Variants in LHX9 observed in about 807,000 individuals in gnomAD.
LHX9 encodes LIM/homeobox protein Lhx9.
Under a neutral mutation model 36.5 loss-of-function variants are expected in LHX9, and 9 were observed. The ratio of observed to expected loss-of-function variants is 0.25; its 90% CI spans 0.15 to 0.43. LHX9 has a LOEUF of 0.43. Ranked by LOEUF, LHX9 falls within the 20% of genes least tolerant of loss-of-function variation. LHX9 has a pLI of 1.00. For missense variants in LHX9, 464 were observed against 526.4 expected, an observed-to-expected ratio of 0.88 and a Z score of 1.16; for synonymous variants, 211 against 212.1, an observed-to-expected ratio of 0.99 and a Z score of 0.04.
intron 2 of LHX9, among the ~76,000 whole-genome samples, chr1:197,920,679 T>C (rs1485371013): frequency 6.6e-6 from 1 of 152,188 alleles, no homozygotes; most frequent in Non-Finnish European, 1.5e-5. Flanking sequence ...GGGTTCCTTT[T>C]ATCGCTAGTT....
In LHX9 at chr1:197,934,656, T is replaced by C. The variant is rs984264528; in HGVS notation, c.*5397T>C. The C allele has an allele frequency of 7.9e-5, 12 of 152,134 alleles. No homozygotes were observed. The highest frequency in any genetic ancestry group is 2.9e-4 in the African/African-American group (12 of 41,456). 9.4% of individuals were successfully genotyped at this position (152,134 alleles called of 1,614,324 possible). On this transcript the variant is annotated 3_prime_UTR_variant, in exon 5 of 5. Transcript: ENST00000367387. ...TGAAAGCATATATATAGATAAACTC[T>C]GGATTGGTCTTTTAGATCTGTTTTC...
At chr1:197,913,950 T>TC (rs1277881186), upstream of LHX9, among the ~76,000 whole-genome samples, 2 of 152,074 alleles carry the variant, frequency 1.3e-5, no homozygotes, top group Non-Finnish European at 1.5e-5. Context: ...TTCCCTTTCC[T>TC]CCCCCCTAGG....
At position 197,918,806 on chromosome 1, in the gene LHX9, G is replaced by GC. The variant is rs369062078; in HGVS notation, c.174+809_174+810insC. ...TTTCCAGATTACTAACGGGGGGGGGGGGGGACTACAGAAGTCTCCGGAAAT... is the reference window on the plus strand; with the variant it reads ...TTTCCAGATTACTAACGGGGGGGGGGCGGGGACTACAGAAGTCTCCGGAAAT... On this transcript the variant is annotated intron_variant, in intron 1 of 4. Coordinates refer to ENST00000367387, the MANE Select transcript of LHX9 (RefSeq NM_020204.3). 15 of 91,540 alleles carry GC rather than the reference G, an allele frequency of 1.6e-4. 4 individuals are homozygous for GC. Among genetic ancestry groups the GC allele is most frequent in the African/African-American group, 2.2e-4 (6 of 27,672 alleles). 5.7% of individuals were successfully genotyped at this position (91,540 alleles called of 1,614,324 possible).
At position 197,933,041 on chromosome 1, in the gene LHX9, GGAAA is replaced by G. The variant is rs1660366425; in HGVS notation, c.*3785_*3788del. 6.6e-6 allele frequency: 1 copy of G among 151,706 alleles called. No individual in the cohort carries two copies. The highest frequency in any genetic ancestry group is 2.1e-4 in the South Asian group (1 of 4,794). 9.4% of individuals were successfully genotyped at this position (151,706 alleles called of 1,614,324 possible). On this transcript the variant is annotated 3_prime_UTR_variant, in exon 5 of 5. Transcript: ENST00000367387. The stretch of plus-strand genomic sequence containing the variant: ...GATTATTACAAACAAAAAAGCAAAT[GGAAA>G]GACAGACAAATATTTAGGAATGAGG...
Position 197,921,685 on chromosome 1 carries a change from C to G in LHX9, c.733+26C>G, listed in dbSNP as rs757498826. The G allele has an allele frequency of 2.6e-6, 4 of 1,519,130 alleles. No homozygotes were observed. Among genetic ancestry groups the G allele is most frequent in the Non-Finnish European group, 3.5e-6 (4 of 1,133,620 alleles). The allele number at this position is 1,519,130 out of a possible 1,614,324, so 94.1% of individuals were successfully genotyped here. A position where few individuals can be genotyped will look rare whatever the true frequency, so the allele number is the denominator to read the frequency against. On this transcript the variant is annotated intron_variant, in intron 3 of 4. Coordinates refer to ENST00000367387, the MANE Select transcript of LHX9 (RefSeq NM_020204.3). This position sits in a 1 kb window ranked among gnomAD's most constrained non-coding sequence, Gnocchi z 4.6. ...GTGTGCCTCCTATCCTCACCCCCGG[C>G]GCAGCCCCGGCCTCCCTGAGGAAAA...
At position 197,929,209 on chromosome 1, in the gene LHX9, A is replaced by G. The variant is rs1370128724; in HGVS notation, c.1144A>G (p.Ser382Gly). 2.6e-6 allele frequency: 4 copies of G among 1,552,336 alleles called. No individual in the cohort carries two copies. Among genetic ancestry groups the G allele is most frequent in the Non-Finnish European group, 3.5e-6 (4 of 1,147,730 alleles). Residue 382 changes from serine (S) to glycine (G), a missense_variant, in exon 5 of 5, where the codon AGC becomes GGC. This residue lies in a region of LHX9 where 102 missense variants were observed against 97.0 expected (regional missense o/e 1.05). Coordinates refer to ENST00000367387, the MANE Select transcript of LHX9 (RefSeq NM_020204.3). ...GACATCCGTGACCTCTAACATGGACAGCCACGAATCCGGAAGCCCCTCACA... is the reference window on the plus strand; with the variant it reads ...GACATCCGTGACCTCTAACATGGACGGCCACGAATCCGGAAGCCCCTCACA... ...VVTSVTSNMD[S>G]HESGSPSQTT...
Position 197,921,536 on chromosome 1 carries a change from C to G in LHX9, c.610C>G (p.Leu204Val). The part of the protein sequence containing the change: ...EYPPQLSYTE[L>V]AAKSGGLALP... ...TCCACCGCAGCTGAGCTACACGGAG[C>G]TGGCGGCCAAGAGCGGCGGCCTGGC... Residue 204 changes from leucine (L) to valine (V), a missense_variant, in exon 3 of 5, where the codon CTG becomes GTG. Leu to Val is a conservative substitution (Grantham distance 32, BLOSUM62 1). Coordinates refer to ENST00000367387, the MANE Select transcript of LHX9 (RefSeq NM_020204.3). This position sits in a 1 kb window ranked among gnomAD's most constrained non-coding sequence, Gnocchi z 4.6. 2 of 1,614,058 alleles carry G rather than the reference C, an allele frequency of 1.2e-6. No individual in the cohort carries two copies. Among genetic ancestry groups the G allele is most frequent in the Non-Finnish European group, 1.7e-6 (2 of 1,180,048 alleles).
chr1:197,916,800 G>A (rs1260993708), upstream of LHX9: 2 of 702,796 alleles, frequency 2.8e-6, no homozygotes, highest in African/African-American at 1.7e-5. Flanking sequence ...AAAGTGGATT[G>A]AGGAAGATGG....
chr1:197,912,868 A>C (rs1571771520), upstream of LHX9: 1 of 425,082 alleles, frequency 2.4e-6, no homozygotes, highest in Non-Finnish European at 4.2e-6. Context: ...CAGTGGCTCC[A>C]GGGACGCGCT....
rs1660274310 is a variant in LHX9, at chr1:197,929,783, T to A, written c.*524T>A. The A allele has an allele frequency of 2.1e-6, 2 of 942,748 alleles. No homozygotes were observed. Among genetic ancestry groups the A allele is most frequent in the Non-Finnish European group, 2.5e-6 (2 of 790,900 alleles). The allele number at this position is 942,748 out of a possible 1,614,324, so 58.4% of individuals were successfully genotyped here. ...ACTTGTTTTTAGTATTTCTATTTCT[T>A]ACCTGAACTGTTAATTCAAGTGAGG... On this transcript the variant is annotated 3_prime_UTR_variant, in exon 5 of 5. Coordinates refer to ENST00000367387, the MANE Select transcript of LHX9 (RefSeq NM_020204.3).
chr1:197,919,576 T>A (rs1659899905), intron 1 of LHX9, among the ~76,000 whole-genome samples: 1 of 152,252 alleles, frequency 6.6e-6, no homozygotes, highest in Admixed American at 6.5e-5. Context: ...TCGTTGAAAT[T>A]TCCTTTTCAC....
In LHX9 at chr1:197,934,042, T is replaced by G. The variant is rs1418882871; in HGVS notation, c.*4783T>G. Reference sequence around the variant, plus strand: ...ACTGAGAGTTAGTGTCTGTGTGCTTTGGTTGAATAGCCACCTTAATACTGA... The same window carrying G: ...ACTGAGAGTTAGTGTCTGTGTGCTTGGGTTGAATAGCCACCTTAATACTGA... On this transcript the variant is annotated 3_prime_UTR_variant, in exon 5 of 5. Coordinates refer to ENST00000367387, the MANE Select transcript of LHX9 (RefSeq NM_020204.3). 1 of 152,198 alleles carries G rather than the reference T, an allele frequency of 6.6e-6. No individual in the cohort carries two copies. The highest frequency in any genetic ancestry group is 1.5e-5 in the Non-Finnish European group (1 of 68,022). The allele number at this position is 152,198 out of a possible 1,614,324, so 9.4% of individuals were successfully genotyped here. A position where few individuals can be genotyped will look rare whatever the true frequency, so the allele number is the denominator to read the frequency against.
upstream of LHX9, chr1:197,912,873 C>T (rs182747696): frequency 1.6e-3 from 660 of 421,516 alleles, 8 homozygotes; most frequent in Admixed American, 0.024. Context: ...GCTCCAGGGA[C>T]GCGCTCCTGA....
intron 2 of LHX9, among the ~76,000 whole-genome samples, chr1:197,920,466 T>C (rs571658272): frequency 9.8e-5 from 15 of 152,294 alleles, no homozygotes; most frequent in Admixed American, 7.2e-4. Flanking sequence ...GAAGAGTAAA[T>C]GGACGTGGTC....
upstream of LHX9, among the ~76,000 whole-genome samples, chr1:197,915,150 A>G (rs1299616742): frequency 6.6e-6 from 1 of 152,266 alleles, no homozygotes; most frequent in East Asian, 1.9e-4. Context: ...AACAAGAACC[A>G]AACCTAATTT....
intron 3 of LHX9, among the ~76,000 whole-genome samples, chr1:197,922,232 G>T (rs1191452575): frequency 6.6e-6 from 1 of 152,118 alleles, no homozygotes; most frequent in African/African-American, 2.4e-5. Context: ...GAGCTAGCCT[G>T]TGTCTTTCCT....
At chr1:197,923,543 A>C (rs931777944) in intron 3 of LHX9, among the ~76,000 whole-genome samples, 18 of 151,606 alleles carry the variant, frequency 1.2e-4, no homozygotes, top group Non-Finnish European at 2.2e-4. Context: ...CTCATACATA[A>C]ACTAGTGAGT....
Position 197,934,184 on chromosome 1 carries a change from C to A in LHX9, c.*4925C>A, listed in dbSNP as rs12077520. 3 of 152,126 alleles carry A rather than the reference C, an allele frequency of 2.0e-5. No homozygotes were observed. Among genetic ancestry groups the A allele is most frequent in the African/African-American group, 7.2e-5 (3 of 41,438 alleles). 9.4% of individuals were successfully genotyped at this position (152,126 alleles called of 1,614,324 possible). On this transcript the variant is annotated 3_prime_UTR_variant, in exon 5 of 5. Transcript: ENST00000367387. ...TTTTCATCACCTAAAACATAAATAG[C>A]TTTATTTAGCAAAATCCCAGTGGAA...
chr1:197,934,128 C>T lies in LHX9; in HGVS notation c.*4869C>T, dbSNP rs1048944401. ...AGGATAAAACTCCATAATAAAGGACCCAAAGCAAATACTTTTAAAACTTAG... is the reference window on the plus strand; with the variant it reads ...AGGATAAAACTCCATAATAAAGGACTCAAAGCAAATACTTTTAAAACTTAG... On this transcript the variant is annotated 3_prime_UTR_variant, in exon 5 of 5. Transcript: ENST00000367387. 1 of 151,994 alleles carries T rather than the reference C, an allele frequency of 6.6e-6. No homozygotes were observed. The highest frequency in any genetic ancestry group is 2.4e-5 in the African/African-American group (1 of 41,350). The allele number at this position is 151,994 out of a possible 1,614,324, so 9.4% of individuals were successfully genotyped here.
Sources: allele counts gnomAD v4.1 joint callset (sites outside exome capture counted in the v4.1 genomes callset), GRCh38; gene constraint gnomAD v4.1.1; regional missense constraint gnomAD v4.1.1; non-coding constraint Gnocchi (gnomAD v3.1); transcripts MANE v1.5; gene names NCBI Gene and HGNC (gene_info 2026-07-23, HGNC 2026-07-21).